Variants in SLC15A5 observed in about 807,000 individuals in gnomAD.
SLC15A5 encodes the protein solute carrier family 15 member 5.
SLC15A5 carries 58 observed loss-of-function variants against 56.1 expected under a neutral mutation model. The observed-to-expected ratio is 1.03, with a 90% CI of 0.84 to 1.29. SLC15A5 has a LOEUF of 1.29. Ranked by LOEUF, SLC15A5 falls within the 50% of genes most tolerant of loss-of-function variation. SLC15A5 has a pLI of 0.00. For missense variants in SLC15A5, 681 were observed against 672.1 expected (o/e 1.01, Z -0.15); for synonymous variants, 264 against 250.5 (o/e 1.05, Z -0.51).
At chr12:16,227,972 T>C (rs1445888888) in intron 5 of SLC15A5, among the ~76,000 whole-genome samples, 1 of 152,142 alleles carries the variant, frequency 6.6e-6, no homozygotes, top group Non-Finnish European at 1.5e-5. Flanking sequence ...TAGAGGGCAC[T>C]GATAAAACCA....
rs1268693127 is a variant in SLC15A5, at chr12:16,268,359, G to T, written c.584+4202C>A. Among the ~76,000 whole-genome samples the T allele has an allele frequency of 2.6e-5, 4 of 152,060 alleles. 2 individuals are homozygous for T. The highest frequency in any genetic ancestry group is 5.9e-5 in the Non-Finnish European group (4 of 68,008). On this transcript the variant is annotated intron_variant, in intron 2 of 8. Coordinates refer to ENST00000344941, the MANE Select transcript of SLC15A5 (RefSeq NM_001170798.1). Reference sequence around the variant, plus strand: ...AAAGGTAAAGAAGGAAGTGCTTGTTGTTATTAGGGTGAGAGGGTAGCATTT... The same window carrying T: ...AAAGGTAAAGAAGGAAGTGCTTGTTTTTATTAGGGTGAGAGGGTAGCATTT...
chr12:16,198,835 A>G (rs2331819), intron 7 of SLC15A5, among the ~76,000 whole-genome samples: 72,978 of 151,816 alleles, frequency 0.48, 17,976 homozygotes, highest in South Asian at 0.72. Flanking sequence ...GCTAATATGA[A>G]AGAAAAATAC....
intron 6 of SLC15A5, among the ~76,000 whole-genome samples, chr12:16,219,771 C>T (rs761718555): frequency 1.3e-5 from 2 of 151,814 alleles, no homozygotes; most frequent in Admixed American, 1.3e-4. Context: ...TTTTAGGCTC[C>T]GAGATATTTC....
intron 7 of SLC15A5, among the ~76,000 whole-genome samples, chr12:16,205,811 T>C (rs543394706): frequency 2.0e-4 from 31 of 152,050 alleles, no homozygotes; most frequent in African/African-American, 7.5e-4. Context: ...GATGCAATAT[T>C]TCCCCTCTTT....
intron 7 of SLC15A5, among the ~76,000 whole-genome samples, chr12:16,213,196 T>C (rs1449447762): frequency 6.6e-6 from 1 of 152,120 alleles, no homozygotes; most frequent in Non-Finnish European, 1.5e-5. Context: ...CAAGGAATCA[T>C]GCAATATGAA....
intron 4 of SLC15A5, among the ~76,000 whole-genome samples, chr12:16,242,473 G>A (rs768606332): frequency 2.0e-5 from 3 of 152,170 alleles, no homozygotes; most frequent in Non-Finnish European, 4.4e-5. Flanking sequence ...CAAGGTGACT[G>A]GGAACAAGTT....
intron 7 of SLC15A5, among the ~76,000 whole-genome samples, chr12:16,203,024 G>A (rs978356898): frequency 6.6e-6 from 1 of 152,022 alleles, no homozygotes; most frequent in Admixed American, 6.6e-5. Flanking sequence ...GTTTGAGTTA[G>A]ACAGGAGGAA....
chr12:16,272,456 C>T lies in SLC15A5; in HGVS notation c.584+105G>A. Reference sequence around the variant, plus strand: ...ACAGATTCATCACATCATCACTTAGCCCAATTCATCACAAAGACTGAGCAA... The same window carrying T: ...ACAGATTCATCACATCATCACTTAGTCCAATTCATCACAAAGACTGAGCAA... On this transcript the variant is annotated intron_variant, in intron 2 of 8. Coordinates refer to ENST00000344941, the MANE Select transcript of SLC15A5 (RefSeq NM_001170798.1). The T allele has an allele frequency of 2.9e-6, 3 of 1,033,768 alleles. No individual in the cohort carries two copies. The Admixed American group carries it at 6.4e-5, about 22-fold the overall frequency. The allele number at this position is 1,033,768 out of a possible 1,614,324, so 64.0% of individuals were successfully genotyped here. A position where few individuals can be genotyped will look rare whatever the true frequency, so the allele number is the denominator to read the frequency against.
rs535989206 is a variant in SLC15A5, at chr12:16,269,975, A to G, written c.584+2586T>C. ...CCAGTATGGCGATTCTTAATTGTCC[A>G]TCTCAGCTTTTGGAATATGTGGAAA... On this transcript the variant is annotated intron_variant, in intron 2 of 8. Transcript: ENST00000344941. The surrounding 1 kb of genome is among the most constrained non-coding windows in gnomAD (Gnocchi z 4.7). Among the ~76,000 whole-genome samples, 9 of 152,196 alleles carry G rather than the reference A, an allele frequency of 5.9e-5. No homozygotes were observed. Among genetic ancestry groups the G allele is most frequent in the East Asian group, 3.8e-4 (2 of 5,196 alleles).
chr12:16,197,479 G>C (rs537683088), intron 7 of SLC15A5, among the ~76,000 whole-genome samples: 1 of 152,216 alleles, frequency 6.6e-6, no homozygotes, highest in East Asian at 1.9e-4. Flanking sequence ...GTTGAATCTT[G>C]CCTTAACAGT....
At position 16,272,796 on chromosome 12, in the gene SLC15A5, A is replaced by G. The variant is rs1010712720; in HGVS notation, c.362-13T>C. 7 of 1,516,698 alleles carry G rather than the reference A, an allele frequency of 4.6e-6. No homozygotes were observed. The highest frequency in any genetic ancestry group is 2.8e-5 in the African/African-American group (2 of 72,218). The allele number at this position is 1,516,698 out of a possible 1,614,324, so 94.0% of individuals were successfully genotyped here. On this transcript the variant is annotated splice_polypyrimidine_tract_variant and intron_variant, in intron 1 of 8. Coordinates refer to ENST00000344941, the MANE Select transcript of SLC15A5 (RefSeq NM_001170798.1). ...AACAAAGCAGTGCCTGTAGGTGGAG[A>G]AAAAAAAAGAGTAAATGTAGCATAG... is the stretch of plus-strand genomic sequence containing the variant.
intron 5 of SLC15A5, among the ~76,000 whole-genome samples, chr12:16,225,848 G>C (rs1486584471): frequency 6.6e-6 from 1 of 152,162 alleles, no homozygotes; most frequent in Non-Finnish European, 1.5e-5. Context: ...TTGCCCTCGG[G>C]ATATCCAGAC....
chr12:16,204,195 C>T (rs552098316), intron 7 of SLC15A5, among the ~76,000 whole-genome samples: 4 of 152,088 alleles, frequency 2.6e-5, no homozygotes, highest in Non-Finnish European at 5.9e-5. Flanking sequence ...GTAGCTCACA[C>T]CTGTAATCCC....
intron 6 of SLC15A5, among the ~76,000 whole-genome samples, 172 bp from the exon 7 acceptor site, chr12:16,217,196 G>C (rs1023407430): frequency 3.3e-5 from 5 of 152,156 alleles, no homozygotes; most frequent in African/African-American, 1.2e-4. Context: ...ACAATTTACA[G>C]ATGTCTTCAA....
chr12:16,244,193 G>A (rs1170382388), intron 4 of SLC15A5, among the ~76,000 whole-genome samples: 2 of 152,126 alleles, frequency 1.3e-5, no homozygotes, highest in Non-Finnish European at 1.5e-5. Flanking sequence ...TTAGCTACTC[G>A]TTAGTACCAC....
At chr12:16,206,283 T>C (rs1343459592) in intron 7 of SLC15A5, among the ~76,000 whole-genome samples, 2 of 152,158 alleles carry the variant, frequency 1.3e-5, no homozygotes. Flanking sequence ...TCCAAAGAAT[T>C]GTTGTGAAGA....
chr12:16,241,186 A>G (rs1201003674), intron 4 of SLC15A5, among the ~76,000 whole-genome samples: 1 of 152,164 alleles, frequency 6.6e-6, no homozygotes, highest in Non-Finnish European at 1.5e-5. Flanking sequence ...TGTCATAGAC[A>G]GAAAGTCAAC....
chr12:16,262,545 A>T (rs1175172896), intron 2 of SLC15A5, among the ~76,000 whole-genome samples: 2 of 152,250 alleles, frequency 1.3e-5, no homozygotes, highest in African/African-American at 4.8e-5. Context: ...AACATGGATT[A>T]TAACTACATG....
chr12:16,262,752 G>T (rs753175610), intron 2 of SLC15A5, among the ~76,000 whole-genome samples: 3 of 152,092 alleles, frequency 2.0e-5, no homozygotes, highest in Non-Finnish European at 4.4e-5. Flanking sequence ...CATGGGGGCG[G>T]GTCTTTTCTG....
Sources: gnomAD v4.1 joint callset for allele counts (sites outside exome capture counted in the v4.1 genomes callset) on GRCh38, gnomAD v4.1.1 for gene constraint, Gnocchi (gnomAD v3.1) non-coding constraint, MANE v1.5 for transcripts, NCBI Gene and HGNC (gene_info 2026-07-23, HGNC 2026-07-21) for gene names.